Variants in CKAP4 observed in about 807,000 individuals in gnomAD.
CKAP4 encodes cytoskeleton-associated protein 4.
A neutral mutation model predicts 24.4 loss-of-function variants in CKAP4; 20 were observed. The ratio of observed to expected loss-of-function variants is 0.82; its 90% CI spans 0.58 to 1.19. The LOEUF is 1.19. CKAP4 is among the 50% of genes most tolerant of loss of function. The pLI, the probability that CKAP4 is intolerant of heterozygous loss-of-function variation, is 0.00. For synonymous variants in CKAP4, 378 were observed against 351.7 expected (o/e 1.07, Z -0.84); for missense variants, 744 against 765.3 (o/e 0.97, Z 0.33).
At position 106,243,855 on chromosome 12, in the gene CKAP4, T is replaced by C. The variant is rs895387704; in HGVS notation, c.484-3506A>G. Among the ~76,000 whole-genome samples the C allele has an allele frequency of 2.6e-5, 4 of 152,190 alleles. No homozygotes were observed. The East Asian group carries it at 7.7e-4, about 29-fold the overall frequency. On this transcript the variant is annotated intron_variant, in intron 1 of 1. Coordinates refer to ENST00000378026, the MANE Select transcript of CKAP4 (RefSeq NM_006825.4). Reference sequence around the variant, plus strand: ...GTCCTCAGCTGCCCCATCTGCAAAATGGTACTACTAAATGATACCTGCCTC... The same window carrying C: ...GTCCTCAGCTGCCCCATCTGCAAAACGGTACTACTAAATGATACCTGCCTC...
chr12:106,239,521 G>T lies in CKAP4; in HGVS notation c.1312C>A (p.Leu438Met). 6.2e-7 allele frequency: 1 copy of T among 1,610,286 alleles called. No homozygotes were observed. Among genetic ancestry groups the T allele is most frequent in the Non-Finnish European group, 8.5e-7 (1 of 1,179,310 alleles). The change falls in exon 2 of 2, where the codon CTG becomes ATG. Residue 438 changes from leucine to methionine, a missense_variant. Coordinates refer to ENST00000378026, the MANE Select transcript of CKAP4 (RefSeq NM_006825.4). This position sits in a 1 kb window ranked among gnomAD's most constrained non-coding sequence, Gnocchi z 4.9. ...TGCTCGTGCTCCTGGCTCTTGGACA[G>T]GAGGGACTCCAGGCTCTCGGTCTGG... is the stretch of plus-strand genomic sequence containing the variant. ...ARQTESLESL[L>M]SKSQEHEQRL... is the part of the protein sequence containing the mutation.
At chr12:106,241,230 C>CAGGGAAAGGAGTACAAAGGG (rs2033967431) in intron 1 of CKAP4, among the ~76,000 whole-genome samples, 1 of 151,200 alleles carries the variant, frequency 6.6e-6, no homozygotes, top group Non-Finnish European at 1.5e-5. Flanking sequence ...TTAAAACAAA[C>CAGGGAAAGGAGTACAAAGGG]AGGGAAAGGA....
At position 106,239,465 on chromosome 12, in the gene CKAP4, T is replaced by C; in HGVS notation, c.1368A>G (p.Glu456=). 1 of 1,604,516 alleles carries C rather than the reference T, an allele frequency of 6.2e-7. No individual in the cohort carries two copies. Among genetic ancestry groups the C allele is most frequent in the Non-Finnish European group, 8.5e-7 (1 of 1,179,624 alleles). ...QRLAALQGRL[E]GLGSSEADQD... ...GGTCTGCCTCTGAGGACCCGAGGCC[T>C]TCCAGGCGCCCCTGCAGGGCGGCCA... The change falls in exon 2 of 2, where the codon GAA becomes GAG. Residue 456 remains glutamate, a synonymous_variant. Coordinates refer to ENST00000378026, the MANE Select transcript of CKAP4 (RefSeq NM_006825.4). This position sits in a 1 kb window ranked among gnomAD's most constrained non-coding sequence, Gnocchi z 4.9.
chr12:106,243,609 G>C (rs1187283859), intron 1 of CKAP4, among the ~76,000 whole-genome samples: 2 of 152,232 alleles, frequency 1.3e-5, no homozygotes, highest in South Asian at 4.1e-4. Context: ...AGAGGGCCTA[G>C]AGATGAACTG....
chr12:106,239,913 A>C lies in CKAP4; in HGVS notation c.920T>G (p.Met307Arg). The C allele has an allele frequency of 6.2e-7, 1 of 1,614,054 alleles. No individual in the cohort carries two copies. Among genetic ancestry groups the C allele is most frequent in the Non-Finnish European group, 8.5e-7 (1 of 1,180,000 alleles). ...QTSAKSREWD[M>R]EALRSTLQTM... ...CTGAAGGGTACTTCTCAGGGCCTCC[A>C]TGTCCCACTCTCTGGACTTGGCTGA... The change falls in exon 2 of 2, where the codon ATG becomes AGG. Residue 307 changes from methionine (M) to arginine (R), a missense_variant. This residue lies in a region of CKAP4 where 401 missense variants were observed against 424.5 expected (regional missense o/e 0.94). Transcript: ENST00000378026. This position sits in a 1 kb window ranked among gnomAD's most constrained non-coding sequence, Gnocchi z 4.9.
chr12:106,247,624 G>T lies in CKAP4; in HGVS notation c.228C>A (p.Gly76=). ...CGGAGGAGGAGGAGGAGGACTTGCC[G>T]CCGCCGCCGCCGCCGCCGCGGTGGC... is the stretch of plus-strand genomic sequence containing the variant. ...KGGHRGGGGG[G]GKSSSSSSAS... is the part of the protein sequence containing the mutation. The change falls in exon 1 of 2, where the codon GGC becomes GGA. Residue 76 remains glycine (G), a synonymous_variant. Coordinates refer to ENST00000378026, the MANE Select transcript of CKAP4 (RefSeq NM_006825.4). The surrounding 1 kb of genome is among the most constrained non-coding windows in gnomAD (Gnocchi z 4.5). 1 of 972,256 alleles carries T rather than the reference G, an allele frequency of 1.0e-6. No individual in the cohort carries two copies. Among genetic ancestry groups the T allele is most frequent in the Non-Finnish European group, 1.3e-6 (1 of 772,910 alleles). The allele number at this position is 972,256 out of a possible 1,614,324, so 60.2% of individuals were successfully genotyped here.
chr12:106,246,530 G>A (rs1051825071), intron 1 of CKAP4, among the ~76,000 whole-genome samples: 1 of 152,188 alleles, frequency 6.6e-6, no homozygotes, highest in East Asian at 1.9e-4. Flanking sequence ...ATCACTTGAG[G>A]TCAGAAGTTC....
chr12:106,242,308 T>G (rs2033975953), intron 1 of CKAP4, among the ~76,000 whole-genome samples: 1 of 152,254 alleles, frequency 6.6e-6, no homozygotes, highest in South Asian at 2.1e-4. Flanking sequence ...CCATTTCTTC[T>G]GAAGCACCTG....
intron 1 of CKAP4, among the ~76,000 whole-genome samples, chr12:106,244,921 G>C (rs572803333): frequency 5.6e-4 from 85 of 152,298 alleles, no homozygotes; most frequent in African/African-American, 1.9e-3. Flanking sequence ...CCCCAAAGAA[G>C]AAAGTGATCT....
In CKAP4 at chr12:106,239,555, A is replaced by G; in HGVS notation, c.1278T>C (p.Ala426=). The G allele has an allele frequency of 6.2e-7, 1 of 1,613,074 alleles. No individual in the cohort carries two copies. The highest frequency in any genetic ancestry group is 8.5e-7 in the Non-Finnish European group (1 of 1,179,632). Residue 426 remains alanine (A), a synonymous_variant, in exon 2 of 2, where the codon GCT becomes GCC. Coordinates refer to ENST00000378026, the MANE Select transcript of CKAP4 (RefSeq NM_006825.4). The surrounding 1 kb of genome is among the most constrained non-coding windows in gnomAD (Gnocchi z 4.9). ...VEDGVLSMQV[A]SARQTESLES... is the part of the protein sequence containing the mutation. The stretch of plus-strand genomic sequence containing the variant: ...CCAGGCTCTCGGTCTGGCGCGCAGA[A>G]GCCACCTGCATGGAGAGCACCCCAT...
rs746914679 is a variant in CKAP4 at position 106,239,444 on chromosome 12, T to A, written c.1389A>T (p.Ala463=). ...GRLEGLGSSE[A]DQDGLASTVR... ...CCGTGCTGGCCAGGCCATCCTGGTC[T>A]GCCTCTGAGGACCCGAGGCCTTCCA... Residue 463 remains alanine (A), a synonymous_variant, in exon 2 of 2, where the codon GCA becomes GCT. Coordinates refer to ENST00000378026, the MANE Select transcript of CKAP4 (RefSeq NM_006825.4). The surrounding 1 kb of genome is among the most constrained non-coding windows in gnomAD (Gnocchi z 4.9). The A allele has an allele frequency of 2.5e-6, 4 of 1,602,564 alleles. No homozygotes were observed. In the Admixed American group the frequency reaches 6.7e-5, roughly 27 times the overall value.
rs1388331906 is a variant in CKAP4, at chr12:106,239,504, C to T, written c.1329G>A (p.Glu443=). Residue 443 remains glutamate, a synonymous_variant, in exon 2 of 2, where the codon GAG becomes GAA. Coordinates refer to ENST00000378026, the MANE Select transcript of CKAP4 (RefSeq NM_006825.4). This position sits in a 1 kb window ranked among gnomAD's most constrained non-coding sequence, Gnocchi z 4.9. The part of the protein sequence containing the change: ...SLESLLSKSQ[E]HEQRLAALQG... ...GCAGGGCGGCCAGGCGCTGCTCGTG[C>T]TCCTGGCTCTTGGACAGGAGGGACT... The T allele has an allele frequency of 6.8e-6, 11 of 1,609,278 alleles. No individual in the cohort carries two copies. The South Asian group carries it at 8.8e-5, about 13-fold the overall frequency.
Position 106,238,852 on chromosome 12 carries a change from G to A in CKAP4, c.*172C>T. The A allele has an allele frequency of 1.4e-6, 1 of 720,606 alleles. No individual in the cohort carries two copies. Among genetic ancestry groups the A allele is most frequent in the Non-Finnish European group, 2.3e-6 (1 of 431,566 alleles). The allele number at this position is 720,606 out of a possible 1,614,324, so 44.6% of individuals were successfully genotyped here. On this transcript the variant is annotated 3_prime_UTR_variant, in exon 2 of 2. Coordinates refer to ENST00000378026, the MANE Select transcript of CKAP4 (RefSeq NM_006825.4). ...TGCAGAAGCAGAGAACTTAAATATT[G>A]TAAATAAGTTAACTGGGCATGAAAA...
At position 106,238,596 on chromosome 12, in the gene CKAP4, C is replaced by CA. The variant is rs63264962; in HGVS notation, c.*427dup. The CA allele has an allele frequency of 0.041, 5,766 of 141,768 alleles. 152 individuals carry two copies. The highest frequency in any genetic ancestry group is 0.065 in the Non-Finnish European group (4,329 of 66,810). The allele number at this position is 141,768 out of a possible 1,614,324, so 8.8% of individuals were successfully genotyped here. Reference sequence around the variant, plus strand: ...TATCTCATAAAAATTTCGGCCAGAACAAAAAAAAAAGTAAAATTAATTTTC... The same window carrying CA: ...TATCTCATAAAAATTTCGGCCAGAACAAAAAAAAAAAGTAAAATTAATTTTC... On this transcript the variant is annotated 3_prime_UTR_variant, in exon 2 of 2. Transcript: ENST00000378026.
Position 106,247,653 on chromosome 12 carries a change from C to A in CKAP4, c.199G>T (p.Gly67Cys). 1.8e-6 allele frequency: 2 copies of A among 1,097,706 alleles called. No individual in the cohort carries two copies. Among genetic ancestry groups the A allele is most frequent in the Non-Finnish European group, 1.1e-6 (1 of 876,072 alleles). The allele number at this position is 1,097,706 out of a possible 1,614,324, so 68.0% of individuals were successfully genotyped here. A position where few individuals can be genotyped will look rare whatever the true frequency, so the allele number is the denominator to read the frequency against. Reference protein sequence around the residue: ...QHPQNQAHGKGGHRGGGGGGG... With the variant: ...QHPQNQAHGKCGHRGGGGGGG... The stretch of plus-strand genomic sequence containing the variant: ...CCGCCGCCGCCGCCGCGGTGGCCGC[C>A]CTTGCCGTGCGCCTGGTTCTGCGGG... Residue 67 changes from glycine to cysteine, a missense_variant, in exon 1 of 2, where the codon GGC (glycine) becomes TGC (cysteine). By Grantham distance (159) the Gly-to-Cys change is radical. Coordinates refer to ENST00000378026, the MANE Select transcript of CKAP4 (RefSeq NM_006825.4). The surrounding 1 kb of genome is among the most constrained non-coding windows in gnomAD (Gnocchi z 4.5).
At chr12:106,244,915 AAAG>A (rs1325548279) in intron 1 of CKAP4, among the ~76,000 whole-genome samples, 2 of 152,232 alleles carry the variant, frequency 1.3e-5, no homozygotes, top group Non-Finnish European at 2.9e-5. Context: ...ACTGAGCCCC[AAAG>A]AAGAAAGTGA....
In CKAP4 at chr12:106,247,396, G is replaced by A. The variant is rs751425725; in HGVS notation, c.456C>T (p.Gly152=). 5 of 1,541,464 alleles carry A rather than the reference G, an allele frequency of 3.2e-6. No homozygotes were observed. In the South Asian group the frequency reaches 5.9e-5, roughly 18 times the overall value. Residue 152 remains glycine, a synonymous_variant, in exon 1 of 2, where the codon GGC becomes GGT. Coordinates refer to ENST00000378026, the MANE Select transcript of CKAP4 (RefSeq NM_006825.4). This position sits in a 1 kb window ranked among gnomAD's most constrained non-coding sequence, Gnocchi z 4.5. ...TCTGCTCGACGCCCTGCAAGCCCTG[G>A]CCCAGCTCCTCCCTCTGCCGGGAGA... ...QDFSRQREEL[G]QGLQGVEQKV...
chr12:106,239,676 C>T lies in CKAP4; in HGVS notation c.1157G>A (p.Gly386Glu), dbSNP rs369276757. The T allele has an allele frequency of 6.2e-7, 1 of 1,614,076 alleles. No individual in the cohort carries two copies. Among genetic ancestry groups the T allele is most frequent in the African/African-American group, 1.3e-5 (1 of 74,934 alleles). The change falls in exon 2 of 2, where the codon GGG (glycine) becomes GAG (glutamate). Residue 386 changes from glycine (G) to glutamate (E), a missense_variant. Coordinates refer to ENST00000378026, the MANE Select transcript of CKAP4 (RefSeq NM_006825.4). This position sits in a 1 kb window ranked among gnomAD's most constrained non-coding sequence, Gnocchi z 4.9. ...ELRQLKSDSH[G>E]PKEDGGFRHS... ...TCTGAAGCCTCCGTCCTCCTTCGGC[C>T]CGTGGGAATCGGACTTCAGCTGGCG...
rs749998681 is a variant in CKAP4 at position 106,240,352 on chromosome 12, G to A, written c.484-3C>T. The A allele has an allele frequency of 6.9e-6, 11 of 1,605,722 alleles. No homozygotes were observed. Among genetic ancestry groups the A allele is most frequent in the Non-Finnish European group, 9.4e-6 (11 of 1,174,566 alleles). On this transcript the variant is annotated splice_region_variant and splice_polypyrimidine_tract_variant and intron_variant, in intron 1 of 1. Coordinates refer to ENST00000378026, the MANE Select transcript of CKAP4 (RefSeq NM_006825.4). ...AATGTGGCTTGCAAAGACTGCACCT[G>A]TAATCAAAATCCAGACGTTAATTGC...
Sources: allele counts gnomAD v4.1 joint callset (sites outside exome capture counted in the v4.1 genomes callset), GRCh38; gene constraint gnomAD v4.1.1; regional missense constraint gnomAD v4.1.1; non-coding constraint Gnocchi (gnomAD v3.1); transcripts MANE v1.5; gene names NCBI Gene and HGNC (gene_info 2026-07-23, HGNC 2026-07-21).